SETBP1: variants seen among roughly 807,000 people sequenced by gnomAD.
The protein encoded by SETBP1 is SET-binding protein.
SETBP1 carries 9 observed loss-of-function variants against 101.0 expected under a neutral mutation model. That is an observed-to-expected ratio of 0.09 (90% CI 0.05 to 0.16). The LOEUF (loss-of-function observed/expected upper bound fraction) is 0.16, where lower values mean the gene tolerates loss of function less well. SETBP1 is among the 10% of genes least tolerant of loss of function. SETBP1 has a pLI of 1.00. For synonymous variants in SETBP1, 818 were observed against 788.5 expected (o/e 1.04, Z -0.63); for missense variants, 1,858 against 2,033.8 (o/e 0.91, Z 1.66).
intron 3 of SETBP1, among the ~76,000 whole-genome samples, chr18:44,928,895 A>C (rs539805480): frequency 1.2e-3 from 181 of 152,162 alleles, no homozygotes; most frequent in Non-Finnish European, 2.0e-3. Context: ...GTTCACTCTG[A>C]TGGTAGTTTC....
Position 44,746,535 on chromosome 18 carries a change from C to G in SETBP1, c.486+44703C>G, listed in dbSNP as rs773117992. ...TGTTTTTAACAGAATCAAGTTCACA[C>G]AGGGGTTATCAAATGTGATATTTGG... On this transcript the variant is annotated intron_variant, in intron 2 of 5. Transcript: ENST00000649279. Among the ~76,000 whole-genome samples the G allele has an allele frequency of 1.6e-4, 25 of 152,320 alleles. No homozygotes were observed. The South Asian group carries it at 2.3e-3, about 14-fold the overall frequency.
chr18:44,905,185 A>T (rs1279515379), intron 3 of SETBP1, among the ~76,000 whole-genome samples: 1 of 152,204 alleles, frequency 6.6e-6, no homozygotes, highest in African/African-American at 2.4e-5. Flanking sequence ...AGGGAACCTC[A>T]ATAAAACAAA....
intron 2 of SETBP1, among the ~76,000 whole-genome samples, chr18:44,850,822 A>G (rs2072839543): frequency 6.6e-6 from 1 of 152,232 alleles, no homozygotes; most frequent in African/African-American, 2.4e-5. Context: ...GACCATGTCA[A>G]AATTAAATCA....
chr18:45,062,787 A>G (rs2073909292), intron 5 of SETBP1, among the ~76,000 whole-genome samples: 1 of 152,216 alleles, frequency 6.6e-6, no homozygotes, highest in African/African-American at 2.4e-5. Context: ...CCACAGTATG[A>G]GCCTCAGTTT....
chr18:44,832,137 T>A (rs1241458453), intron 2 of SETBP1, among the ~76,000 whole-genome samples: 1 of 152,220 alleles, frequency 6.6e-6, no homozygotes, highest in East Asian at 1.9e-4. Flanking sequence ...AGCCCTTTTT[T>A]ATGATTTTTG....
chr18:44,968,313 C>A (rs1303031554), intron 4 of SETBP1, among the ~76,000 whole-genome samples: 1 of 152,132 alleles, frequency 6.6e-6, no homozygotes, highest in African/African-American at 2.4e-5. Context: ...GATAGGGCTC[C>A]TGTACTCATG....
chr18:44,747,939 G>A (rs1188340127), intron 2 of SETBP1, among the ~76,000 whole-genome samples: 1 of 152,204 alleles, frequency 6.6e-6, no homozygotes, highest in African/African-American at 2.4e-5. Context: ...TGTAGAGACA[G>A]CCTCCCTGGC....
Position 44,950,918 on chromosome 18 carries a change from T to C in SETBP1, c.1578T>C (p.Phe526=). 7 of 1,614,144 alleles carry C rather than the reference T, an allele frequency of 4.3e-6. No individual in the cohort carries two copies. Among genetic ancestry groups the C allele is most frequent in the Non-Finnish European group, 5.9e-6 (7 of 1,180,028 alleles). Reference sequence around the variant, plus strand: ...TGCCAGAAATCCAGCATCCAAAATTTGCTGCAAAACGAAGGTGGACTTGCA... The same window carrying C: ...TGCCAGAAATCCAGCATCCAAAATTCGCTGCAAAACGAAGGTGGACTTGCA... ...RKLPEIQHPK[F]AAKRRWTCSK... Residue 526 remains phenylalanine (F), a synonymous_variant, in exon 4 of 6, where the codon TTT becomes TTC. Transcript: ENST00000649279.
At chr18:44,844,648 GA>G (rs1268006822) in intron 2 of SETBP1, among the ~76,000 whole-genome samples, 2 of 152,140 alleles carry the variant, frequency 1.3e-5, no homozygotes, top group Non-Finnish European at 2.9e-5. Context: ...GAAATCATGG[GA>G]TTTTTCCTGC....
rs374943041 is a variant in SETBP1 at position 44,776,346 on chromosome 18, C to T, written c.486+74514C>T. ...TCCATAGCACAGCCCATATGGATGC[C>T]GATTTAAACCCAGGCTAGATTGTTT... On this transcript the variant is annotated intron_variant, in intron 2 of 5. Coordinates refer to ENST00000649279, the MANE Select transcript of SETBP1 (RefSeq NM_015559.3). 3.8e-4 allele frequency among the ~76,000 whole-genome samples: 58 copies of T among 152,226 alleles called. 1 individual carries two copies. The highest frequency in any genetic ancestry group is 1.4e-3 in the African/African-American group (57 of 41,534).
At chr18:44,902,175 C>G (rs2070062999) in intron 3 of SETBP1, among the ~76,000 whole-genome samples, 1 of 152,110 alleles carries the variant, frequency 6.6e-6, no homozygotes, top group South Asian at 2.1e-4. Flanking sequence ...ATAGTGCCAT[C>G]ATTTGAACAG....
chr18:44,902,631 T>C (rs16978222), intron 3 of SETBP1, among the ~76,000 whole-genome samples: 17,658 of 152,218 alleles, frequency 0.12, 1,216 homozygotes, highest in East Asian at 0.25. Flanking sequence ...CATGATTTTA[T>C]ATGTGAATAT....
At chr18:45,062,038 G>T (rs1171792064) in intron 5 of SETBP1, among the ~76,000 whole-genome samples, 1 of 152,214 alleles carries the variant, frequency 6.6e-6, no homozygotes, top group Non-Finnish European at 1.5e-5. Context: ...GTGTGTGTGT[G>T]CATGTGCACA....
chr18:44,684,806 C>G (rs1028372889), intron 1 of SETBP1, among the ~76,000 whole-genome samples: 3 of 152,012 alleles, frequency 2.0e-5, no homozygotes, highest in Admixed American at 2.0e-4. Context: ...ACCACCATGC[C>G]TGGCTAATTT....
intron 5 of SETBP1, among the ~76,000 whole-genome samples, chr18:45,048,377 C>G (rs1346039164): frequency 6.6e-6 from 1 of 152,208 alleles, no homozygotes; most frequent in East Asian, 1.9e-4. Flanking sequence ...ATGAAACCCT[C>G]TCATGTCAGA....
At position 45,067,499 on chromosome 18, in the gene SETBP1, T is replaced by A. The variant is rs941971258; in HGVS notation, c.*3801T>A. 4 of 152,134 alleles carry A rather than the reference T, an allele frequency of 2.6e-5. No individual in the cohort carries two copies. Among genetic ancestry groups the A allele is most frequent in the African/African-American group, 9.7e-5 (4 of 41,428 alleles). 9.4% of individuals were successfully genotyped at this position (152,134 alleles called of 1,614,324 possible). A position where few individuals can be genotyped will look rare whatever the true frequency, so the allele number is the denominator to read the frequency against. On this transcript the variant is annotated 3_prime_UTR_variant, in exon 6 of 6. Coordinates refer to ENST00000649279, the MANE Select transcript of SETBP1 (RefSeq NM_015559.3). ...GAAGCTGAAATGCCTCAAAAGCCATTTAAGTGTTACGTTGCAGGATTTTCA... is the reference window on the plus strand; with the variant it reads ...GAAGCTGAAATGCCTCAAAAGCCATATAAGTGTTACGTTGCAGGATTTTCA...
At chr18:44,886,912 C>A (rs1409084768) in intron 3 of SETBP1, among the ~76,000 whole-genome samples, 2 of 152,070 alleles carry the variant, frequency 1.3e-5, no homozygotes, top group African/African-American at 4.8e-5. Flanking sequence ...AAGGTCTTCT[C>A]ACACTCAGCT....
At chr18:44,699,975 G>A (rs995831671) in intron 1 of SETBP1, among the ~76,000 whole-genome samples, 3 of 152,136 alleles carry the variant, frequency 2.0e-5, no homozygotes, top group Admixed American at 1.3e-4. Context: ...GGGCTCAGAG[G>A]TAGAAACCTA....
intron 4 of SETBP1, among the ~76,000 whole-genome samples, chr18:45,010,822 A>T (rs1313465995): frequency 5.3e-4 from 80 of 152,232 alleles, no homozygotes; most frequent in Admixed American, 5.2e-3. Flanking sequence ...ATATTTACAG[A>T]TGAGAAAATT....
Sources: allele counts gnomAD v4.1 joint callset (sites outside exome capture counted in the v4.1 genomes callset), GRCh38; gene constraint gnomAD v4.1.1; transcripts MANE v1.5; gene names NCBI Gene and HGNC (gene_info 2026-07-23, HGNC 2026-07-21).